The following MTUS2 variants were observed in gnomAD, a reference collection of about 807,000 sequenced individuals.
The protein encoded by MTUS2 is microtubule associated scaffold protein 2, also known as microtubule-associated tumor suppressor candidate 2.
MTUS2 carries 40 observed loss-of-function variants against 114.1 expected under a neutral mutation model. That is an observed-to-expected ratio of 0.35 (90% CI 0.27 to 0.46). The LOEUF (loss-of-function observed/expected upper bound fraction) is 0.46, where lower values mean the gene tolerates loss of function less well. Among genes scored for constraint, MTUS2 ranks in the 20% least tolerant of loss-of-function variants. The pLI is 1.00. For missense variants in MTUS2, 1,679 were observed against 1,705.4 expected, an observed-to-expected ratio of 0.98 and a Z score of 0.27; for synonymous variants, 688 against 672.0, an observed-to-expected ratio of 1.02 and a Z score of -0.37.
intron 2 of MTUS2, among the ~76,000 whole-genome samples, chr13:28,904,862 G>A (rs1468614128): frequency 8.0e-4 from 122 of 151,788 alleles, no homozygotes; most frequent in African/African-American, 2.9e-3. Context: ...CCATTTTCAT[G>A]ATATTGATTC....
At chr13:29,483,269 A>C (rs1184677652) in intron 10 of MTUS2, among the ~76,000 whole-genome samples, 1 of 152,208 alleles carries the variant, frequency 6.6e-6, no homozygotes, top group African/African-American at 2.4e-5. Flanking sequence ...GGATTTTCTG[A>C]GGCCGCAAAT....
intron 7 of MTUS2, among the ~76,000 whole-genome samples, chr13:29,325,498 GAGGAGGAGGAGA>G (rs1360733262): frequency 7.0e-6 from 1 of 143,466 alleles, no homozygotes; most frequent in African/African-American, 2.7e-5. Flanking sequence ...GAGGGAGGAG[GAGGAGGAGGAGA>G]AGGAGGAGGA....
chr13:29,395,487 G>A (rs997167838), intron 8 of MTUS2, among the ~76,000 whole-genome samples: 1 of 152,208 alleles, frequency 6.6e-6, no homozygotes, highest in Admixed American at 6.5e-5. Flanking sequence ...GTGAATTGTG[G>A]TGCTGTTAAC....
intron 8 of MTUS2, among the ~76,000 whole-genome samples, chr13:29,402,039 A>G (rs1874388913): frequency 6.6e-6 from 1 of 152,186 alleles, no homozygotes; most frequent in Admixed American, 6.5e-5. Context: ...AGACACTTAT[A>G]TACATAATAT....
At chr13:28,913,809 A>G (rs547274594) in intron 2 of MTUS2, among the ~76,000 whole-genome samples, 62 of 152,116 alleles carry the variant, frequency 4.1e-4, no homozygotes, top group African/African-American at 1.3e-3. Flanking sequence ...TTATTGGTCT[A>G]TTCAGGGATT....
At chr13:29,053,715 G>C (rs1035797024) in intron 4 of MTUS2, among the ~76,000 whole-genome samples, 1 of 152,094 alleles carries the variant, frequency 6.6e-6, no homozygotes. Context: ...TAATGTTTTT[G>C]AGATTCACTC....
At chr13:29,058,205 A>T (rs1309653757) in intron 4 of MTUS2, among the ~76,000 whole-genome samples, 76 of 138,816 alleles carry the variant, frequency 5.5e-4, no homozygotes, top group South Asian at 9.0e-4. Flanking sequence ...TGCCTTTAAC[A>T]TTTTTTTTTT....
At chr13:28,986,537 A>G (rs1179385057) in intron 2 of MTUS2, among the ~76,000 whole-genome samples, 2 of 151,666 alleles carry the variant, frequency 1.3e-5, no homozygotes, top group Admixed American at 6.6e-5. Flanking sequence ...AGACAAAACA[A>G]CTCCTTAATG....
intron 7 of MTUS2, among the ~76,000 whole-genome samples, chr13:29,351,015 C>A (rs1012852981): frequency 3.5e-5 from 5 of 141,770 alleles, no homozygotes; most frequent in African/African-American, 5.2e-5. Flanking sequence ...CAGTTCCTAG[C>A]AGCAGGGTAT....
chr13:28,983,336 G>C (rs1001527214), intron 2 of MTUS2, among the ~76,000 whole-genome samples: 7 of 152,162 alleles, frequency 4.6e-5, no homozygotes, highest in African/African-American at 1.7e-4. Flanking sequence ...TGTAACTTCT[G>C]TCCAGGACAG....
At chr13:29,354,801 C>T (rs151155173) in intron 7 of MTUS2, among the ~76,000 whole-genome samples, 1 of 152,276 alleles carries the variant, frequency 6.6e-6, no homozygotes, top group East Asian at 1.9e-4. Flanking sequence ...AAATAGTGGG[C>T]CACTGGGCAA....
intron 8 of MTUS2, among the ~76,000 whole-genome samples, chr13:29,439,740 G>T (rs560217699): frequency 5.1e-4 from 77 of 152,110 alleles, no homozygotes; most frequent in Non-Finnish European, 8.4e-4. Context: ...GTGTAATCTA[G>T]ACAAAAACAC....
intron 2 of MTUS2, among the ~76,000 whole-genome samples, chr13:29,015,083 A>T (rs1410284507): frequency 6.6e-6 from 1 of 152,172 alleles, no homozygotes; most frequent in Non-Finnish European, 1.5e-5. Flanking sequence ...CTGGAAAAGC[A>T]ATGTTGGAGG....
At chr13:28,875,655 G>A (rs1313321801) in intron 2 of MTUS2, among the ~76,000 whole-genome samples, 6 of 152,170 alleles carry the variant, frequency 3.9e-5, no homozygotes, top group Non-Finnish European at 8.8e-5. Flanking sequence ...GCTGAATTCT[G>A]TAATTGATCA....
chr13:29,390,220 ATAAG>A lies in MTUS2; in HGVS notation c.3117+30752_3117+30755del, dbSNP rs150448213. On this transcript the variant is annotated intron_variant, in intron 8 of 15. Coordinates refer to ENST00000612955, the MANE Select transcript of MTUS2 (RefSeq NM_001033602.4). ...TTCTAATGGAGTGAAAGGACTAGACATAAGTAAGAGTAAAGATTCACAAGGCCCA... is the reference window on the plus strand; with the variant it reads ...TTCTAATGGAGTGAAAGGACTAGACATAAGAGTAAAGATTCACAAGGCCCA... Among the ~76,000 whole-genome samples the A allele has an allele frequency of 6.1e-3, 930 of 151,720 alleles. 11 individuals carry two copies. The highest frequency in any genetic ancestry group is 0.021 in the African/African-American group (869 of 41,428).
intron 5 of MTUS2, among the ~76,000 whole-genome samples, chr13:29,214,303 CTT>C (rs35088408): frequency 4.6e-5 from 7 of 152,078 alleles, no homozygotes; most frequent in African/African-American, 1.4e-4. Context: ...GGTCTTGACT[CTT>C]TTTCCAATTT....
chr13:29,460,153 A>G (rs913149739), intron 9 of MTUS2, among the ~76,000 whole-genome samples: 2 of 152,206 alleles, frequency 1.3e-5, no homozygotes, highest in Non-Finnish European at 2.9e-5. Context: ...AGATGAGAAT[A>G]TTGAGGCTCA....
intron 9 of MTUS2, among the ~76,000 whole-genome samples, chr13:29,472,966 C>G (rs928621708): frequency 6.6e-6 from 1 of 152,066 alleles, no homozygotes; most frequent in African/African-American, 2.4e-5. Context: ...TTGTCCTTGA[C>G]AGTTATTTTG....
At chr13:29,417,554 G>A (rs1875756734) in intron 8 of MTUS2, among the ~76,000 whole-genome samples, 1 of 151,726 alleles carries the variant, frequency 6.6e-6, no homozygotes, top group Non-Finnish European at 1.5e-5. Flanking sequence ...ATGCCCCTTA[G>A]TAAATTTTCA....
Sources: allele counts gnomAD v4.1 joint callset (sites outside exome capture counted in the v4.1 genomes callset), GRCh38; gene constraint gnomAD v4.1.1; transcripts MANE v1.5; gene names NCBI Gene and HGNC (gene_info 2026-07-23, HGNC 2026-07-21).